SPAG16: variants seen among roughly 807,000 people sequenced by gnomAD.
SPAG16 encodes the protein sperm-associated antigen 16 protein.
A neutral mutation model predicts 80.4 loss-of-function variants in SPAG16; 86 were observed. The ratio of observed to expected loss-of-function variants is 1.07; its 90% confidence interval spans 0.90 to 1.28. The LOEUF is 1.28. SPAG16 is among the 50% of genes most tolerant of loss of function. The pLI is 0.00. For missense variants in SPAG16, 870 were observed against 765.3 expected, an observed-to-expected ratio of 1.14 and a Z score of -1.61; for synonymous variants, 294 against 265.9, an observed-to-expected ratio of 1.11 and a Z score of -1.03.
chr2:214,224,143 G>A (rs2058647262), intron 15 of SPAG16, among the ~76,000 whole-genome samples: 1 of 152,134 alleles, frequency 6.6e-6, no homozygotes, highest in Non-Finnish European at 1.5e-5. Flanking sequence ...CTTCCCAGGG[G>A]CAATGGAAAA....
At chr2:213,363,274 T>C (rs1356318760) in intron 7 of SPAG16, among the ~76,000 whole-genome samples, 2 of 152,134 alleles carry the variant, frequency 1.3e-5, no homozygotes, top group East Asian at 3.9e-4. Flanking sequence ...AAAAAGTTTA[T>C]TTTTGAAATT....
intron 12 of SPAG16, among the ~76,000 whole-genome samples, chr2:213,985,360 A>G (rs532625273): frequency 4.0e-4 from 61 of 152,208 alleles, no homozygotes; most frequent in African/African-American, 1.4e-3. Flanking sequence ...CACAAATTCT[A>G]TGTATTTTTG....
At chr2:213,359,309 A>G (rs1377213374) in intron 7 of SPAG16, among the ~76,000 whole-genome samples, 1 of 152,132 alleles carries the variant, frequency 6.6e-6, no homozygotes, top group African/African-American at 2.4e-5. Context: ...CTTTCTTCAG[A>G]GCTGTCAGAC....
At chr2:213,483,182 A>G (rs976074861) in intron 9 of SPAG16, among the ~76,000 whole-genome samples, 1 of 152,174 alleles carries the variant, frequency 6.6e-6, no homozygotes, top group Non-Finnish European at 1.5e-5. Context: ...CTATGGTTCA[A>G]TCAAATTAAA....
intron 15 of SPAG16, among the ~76,000 whole-genome samples, chr2:214,319,200 C>CACCACACACACACACACA (rs140486125): frequency 7.7e-5 from 11 of 142,340 alleles, no homozygotes; most frequent in South Asian, 2.3e-4. Flanking sequence ...CACACACACA[C>CACCACACACACACACACA]CACACACACA....
intron 15 of SPAG16, among the ~76,000 whole-genome samples, chr2:214,207,951 C>T (rs926373372): frequency 2.6e-5 from 4 of 152,202 alleles, no homozygotes; most frequent in African/African-American, 9.6e-5. Flanking sequence ...CTCAGGCCTT[C>T]GGCCACACAC....
intron 10 of SPAG16, among the ~76,000 whole-genome samples, chr2:213,658,880 G>A (rs1180798733): frequency 1.3e-5 from 2 of 152,068 alleles, no homozygotes; most frequent in Non-Finnish European, 1.5e-5. Context: ...TACTAAAAAT[G>A]CAAAAATTAG....
intron 15 of SPAG16, among the ~76,000 whole-genome samples, chr2:214,266,420 C>T (rs1389957791): frequency 6.6e-6 from 1 of 151,766 alleles, no homozygotes; most frequent in Non-Finnish European, 1.5e-5. Context: ...CCTATTTAAA[C>T]ATTGTGAACA....
intron 10 of SPAG16, among the ~76,000 whole-genome samples, chr2:213,701,238 TAAAA>T (rs556622533): frequency 3.8e-5 from 5 of 130,788 alleles, no homozygotes; most frequent in East Asian, 2.1e-4. Context: ...AGATTCCATC[TAAAA>T]AAATAAATAA....
intron 11 of SPAG16, among the ~76,000 whole-genome samples, chr2:213,885,692 A>T (rs1343417344): frequency 6.6e-6 from 1 of 152,228 alleles, no homozygotes; most frequent in African/African-American, 2.4e-5. Flanking sequence ...TCAACAGTAG[A>T]TAAGGAAGGA....
At chr2:213,920,127 A>C (rs547817557) in intron 11 of SPAG16, among the ~76,000 whole-genome samples, 1 of 134,902 alleles carries the variant, frequency 7.4e-6, no homozygotes, top group Non-Finnish European at 1.6e-5. Context: ...TGTTTTCCAT[A>C]TGCTTGGTAG....
chr2:213,848,645 A>G (rs2074746612), intron 10 of SPAG16, among the ~76,000 whole-genome samples: 1 of 152,158 alleles, frequency 6.6e-6, no homozygotes, highest in Non-Finnish European at 1.5e-5. Context: ...GTAATTTTTA[A>G]CAACTTTATC....
chr2:214,068,529 C>G (rs903055230), intron 13 of SPAG16, among the ~76,000 whole-genome samples: 1 of 152,030 alleles, frequency 6.6e-6, no homozygotes, highest in Non-Finnish European at 1.5e-5. Context: ...CAAGGTCTGA[C>G]TCAGAGCTTT....
At chr2:213,607,553 G>A (rs568610953) in intron 10 of SPAG16, among the ~76,000 whole-genome samples, 1 of 152,308 alleles carries the variant, frequency 6.6e-6, no homozygotes, top group Non-Finnish European at 1.5e-5. Flanking sequence ...ATAAAGGAGA[G>A]TGCTAGTAGG....
intron 12 of SPAG16, among the ~76,000 whole-genome samples, chr2:213,938,253 A>G (rs1165274059): frequency 1.3e-5 from 2 of 152,004 alleles, no homozygotes; most frequent in Non-Finnish European, 2.9e-5. Context: ...GTCCTCCTCA[A>G]TGCTGATGAC....
intron 15 of SPAG16, among the ~76,000 whole-genome samples, chr2:214,233,408 C>T (rs2125807116): frequency 6.6e-6 from 1 of 151,682 alleles, no homozygotes; most frequent in East Asian, 1.9e-4. Context: ...TGGATGGATA[C>T]ATAGATGTAA....
At chr2:213,331,076 T>TA (rs2064080166) in intron 5 of SPAG16, among the ~76,000 whole-genome samples, 1 of 152,226 alleles carries the variant, frequency 6.6e-6, no homozygotes, top group African/African-American at 2.4e-5. Flanking sequence ...AATGGACTAA[T>TA]ACACCTCTCC....
intron 10 of SPAG16, among the ~76,000 whole-genome samples, chr2:213,724,530 C>A (rs2066667222): frequency 6.6e-6 from 1 of 151,906 alleles, no homozygotes; most frequent in Non-Finnish European, 1.5e-5. Flanking sequence ...GTAATCCCAG[C>A]ACTTTGGGAG....
chr2:213,515,457 T>A (rs2075385245), intron 10 of SPAG16, among the ~76,000 whole-genome samples: 1 of 152,198 alleles, frequency 6.6e-6, no homozygotes, highest in Admixed American at 6.5e-5. Context: ...CTGGAGTATT[T>A]CCTAAGCCAT....
Sources: allele counts gnomAD v4.1 joint callset (sites outside exome capture counted in the v4.1 genomes callset), GRCh38; gene constraint gnomAD v4.1.1; transcripts MANE v1.5; gene names NCBI Gene and HGNC (gene_info 2026-07-23, HGNC 2026-07-21).